The following PPP2R2B variants were observed in gnomAD, a reference collection of about 807,000 sequenced individuals.
The protein encoded by PPP2R2B is serine/threonine-protein phosphatase 2A 55 kDa regulatory subunit B beta isoform.
Under a neutral mutation model 46.0 loss-of-function variants are expected in PPP2R2B, and 5 were observed. The ratio of observed to expected loss-of-function variants is 0.11; its 90% CI spans 0.06 to 0.23. The LOEUF (loss-of-function observed/expected upper bound fraction) is 0.23. PPP2R2B is among the 10% of genes least tolerant of loss of function. The probability of loss-of-function intolerance (pLI) is 1.00; values close to 1 mark genes in which losing one functional copy is unlikely to be tolerated. For missense variants in PPP2R2B, 367 were observed against 575.0 expected, an observed-to-expected ratio of 0.64 and a Z score of 3.70; for synonymous variants, 215 against 206.7, an observed-to-expected ratio of 1.04 and a Z score of -0.34.
chr5:146,708,395 ATGTGTGTGTGTATGTGTG>A (rs1049496380), intron 2 of PPP2R2B, among the ~76,000 whole-genome samples: 6 of 128,272 alleles, frequency 4.7e-5, no homozygotes, highest in East Asian at 5.3e-4. Context: ...ATATCTATGT[ATGTGTGTGTGTATGTGTG>A]TGTGTGTGTG....
intron 5 of PPP2R2B, among the ~76,000 whole-genome samples, chr5:146,680,105 T>C (rs1489936970): frequency 1.3e-5 from 2 of 151,782 alleles, no homozygotes; most frequent in Non-Finnish European, 2.9e-5. Flanking sequence ...CTTATGTTTA[T>C]TGTGGCATTA....
rs150817934 is a variant in PPP2R2B, at chr5:146,982,729, T to G, written c.79+72936A>C. ...TTGCAGCTCTGTTGTGTGGTACATA[T>G]GCACTTAGGATTGTTATGTCCTTTT... is the stretch of plus-strand genomic sequence containing the variant. On this transcript the variant is annotated intron_variant, in intron 1 of 8. Coordinates refer to the PPP2R2B transcript ENST00000336640. 5.5e-3 allele frequency among the ~76,000 whole-genome samples: 840 copies of G among 152,362 alleles called. 7 individuals carry two copies. The highest frequency in any genetic ancestry group is 0.019 in the African/African-American group (791 of 41,590).
At chr5:146,834,005 T>C (rs1203446451) in intron 2 of PPP2R2B, among the ~76,000 whole-genome samples, 1 of 152,140 alleles carries the variant, frequency 6.6e-6, no homozygotes, top group African/African-American at 2.4e-5. Flanking sequence ...GGCTCTAAAA[T>C]GTCCTTGGCA....
chr5:146,638,052 T>C (rs1561793318), intron 7 of PPP2R2B, among the ~76,000 whole-genome samples, 199 bp downstream of exon 7: 1 of 118,652 alleles, frequency 8.4e-6, no homozygotes, highest in Non-Finnish European at 1.6e-5. Context: ...GTCTTATTTA[T>C]TTTCATCTCT....
intron 2 of PPP2R2B, among the ~76,000 whole-genome samples, chr5:146,717,538 C>A (rs1467833465): frequency 1.3e-5 from 2 of 152,094 alleles, no homozygotes; most frequent in South Asian, 2.1e-4. Flanking sequence ...CAGAAGGAAC[C>A]AAACCATTAA....
chr5:146,799,957 G>T (rs551668930), intron 2 of PPP2R2B, among the ~76,000 whole-genome samples: 33 of 152,152 alleles, frequency 2.2e-4, no homozygotes, highest in Admixed American at 1.8e-3. Context: ...TCAGAAGAGG[G>T]ATTGCAGGGA....
chr5:146,896,948 A>G lies in PPP2R2B; in HGVS notation c.79+158717T>C, dbSNP rs714251. Among the ~76,000 whole-genome samples, 133 of 152,270 alleles carry G rather than the reference A, an allele frequency of 8.7e-4. 2 individuals are homozygous for G. The highest frequency in any genetic ancestry group is 3.1e-3 in the African/African-American group (128 of 41,558). On this transcript the variant is annotated intron_variant, in intron 1 of 8. Coordinates refer to the PPP2R2B transcript ENST00000336640. ...TGCTGGCTTAGCCTCTTAAGAAGGT[A>G]ATGATCCTCCTTGATTTAGAACAAG...
Position 147,042,106 on chromosome 5 carries a change from G to A in PPP2R2B, c.79+13559C>T, listed in dbSNP as rs181112139. On this transcript the variant is annotated intron_variant, in intron 1 of 8. Coordinates refer to the PPP2R2B transcript ENST00000336640. ...CGATTGATAACGCCCAAATCCCCAC[G>A]TCTATCACCTTGTAATAGTCTTAAA... 1.7e-3 allele frequency among the ~76,000 whole-genome samples: 260 copies of A among 152,160 alleles called. 1 individual carries two copies. Among genetic ancestry groups the A allele is most frequent in the Middle Eastern group, 0.017 (5 of 294 alleles).
At chr5:146,915,159 G>A (rs1371884722) in intron 1 of PPP2R2B, among the ~76,000 whole-genome samples, 1 of 152,098 alleles carries the variant, frequency 6.6e-6, no homozygotes, top group Non-Finnish European at 1.5e-5. Context: ...CTTGGTAACA[G>A]CCTCCTCACT....
intron 5 of PPP2R2B, among the ~76,000 whole-genome samples, chr5:146,655,069 C>A (rs1482963225): frequency 6.6e-6 from 1 of 152,142 alleles, no homozygotes; most frequent in African/African-American, 2.4e-5. Flanking sequence ...GGCCTGTCTG[C>A]AGGTGGTTCT....
intron 5 of PPP2R2B, among the ~76,000 whole-genome samples, chr5:146,689,845 A>G (rs1412780306): frequency 6.6e-6 from 1 of 152,236 alleles, no homozygotes; most frequent in Non-Finnish European, 1.5e-5. Flanking sequence ...GGCTGATCAG[A>G]GGAAACAGAG....
intron 2 of PPP2R2B, among the ~76,000 whole-genome samples, chr5:146,778,849 T>C (rs1196086811): frequency 6.6e-6 from 1 of 152,218 alleles, no homozygotes; most frequent in Admixed American, 6.5e-5. Flanking sequence ...CTGTCTTGCC[T>C]AAAATGAAGA....
At chr5:146,799,360 A>G (rs149768861) in intron 2 of PPP2R2B, among the ~76,000 whole-genome samples, 21 of 152,346 alleles carry the variant, frequency 1.4e-4, no homozygotes, top group African/African-American at 4.8e-4. Flanking sequence ...TTTTGGTTAA[A>G]TGCCAGTGCT....
intron 1 of PPP2R2B, among the ~76,000 whole-genome samples, chr5:146,969,967 G>A (rs1225411957): frequency 1.3e-5 from 2 of 152,074 alleles, no homozygotes; most frequent in African/African-American, 4.8e-5. Context: ...AATGAATTTC[G>A]GAGTTTTGAA....
intron 2 of PPP2R2B, among the ~76,000 whole-genome samples, chr5:146,803,181 T>G (rs1187636261): frequency 6.6e-6 from 1 of 152,130 alleles, no homozygotes; most frequent in Admixed American, 6.6e-5. Flanking sequence ...TTAGCTGAAA[T>G]TAGAACACTT....
At chr5:147,009,301 A>G (rs1754602571) in intron 1 of PPP2R2B, among the ~76,000 whole-genome samples, 1 of 152,064 alleles carries the variant, frequency 6.6e-6, no homozygotes, top group Admixed American at 6.6e-5. Flanking sequence ...CTGGCTTCAC[A>G]TTATTTTCCT....
At chr5:146,757,892 G>C (rs948368328) in intron 2 of PPP2R2B, among the ~76,000 whole-genome samples, 1 of 152,150 alleles carries the variant, frequency 6.6e-6, no homozygotes, top group Non-Finnish European at 1.5e-5. Context: ...TTTCCACAAA[G>C]CTTTGAGGCC....
At chr5:146,634,123 T>C (rs1296344858) in intron 7 of PPP2R2B, among the ~76,000 whole-genome samples, 1 of 152,222 alleles carries the variant, frequency 6.6e-6, no homozygotes, top group Non-Finnish European at 1.5e-5. Context: ...TTTACATTAA[T>C]AGACTGAGTA....
At chr5:146,774,816 C>CAAAAAAA (rs548935070) in intron 2 of PPP2R2B, among the ~76,000 whole-genome samples, 6 of 66,744 alleles carry the variant, frequency 9.0e-5, no homozygotes, top group African/African-American at 3.3e-4. Context: ...GACTCTGTCT[C>CAAAAAAA]AAAAAAAAAA....
Sources: allele counts gnomAD v4.1 joint callset (sites outside exome capture counted in the v4.1 genomes callset), GRCh38; gene constraint gnomAD v4.1.1; transcripts MANE v1.5; gene names NCBI Gene and HGNC (gene_info 2026-07-23, HGNC 2026-07-21).